LRIF1: variants seen among roughly 807,000 people sequenced by gnomAD.
LRIF1 encodes the protein ligand-dependent nuclear receptor-interacting factor 1.
In LRIF1, 32 loss-of-function variants were observed where a neutral mutation model predicts 52.7. The ratio of observed to expected loss-of-function variants is 0.61; its 90% CI spans 0.46 to 0.82. The LOEUF is 0.82. Ranked by LOEUF, LRIF1 falls within the 40% of genes least tolerant of loss-of-function variation. The probability of loss-of-function intolerance (pLI) is 0.00; values close to 1 mark genes in which losing one functional copy is unlikely to be tolerated. For missense variants in LRIF1, 887 were observed against 892.0 expected (o/e 0.99, Z 0.07); for synonymous variants, 323 against 317.4 (o/e 1.02, Z -0.19).
At chr1:110,934,729 C>T in the LRIF1 span, among the ~76,000 whole-genome samples, 2 of 152,198 alleles carry the variant, frequency 1.3e-5, no homozygotes, top group Non-Finnish European at 2.9e-5. Flanking sequence ...CCCTGACTTC[C>T]AGGTGGCACC....
At chr1:110,902,517 A>AAAAAAAAAAAG in the LRIF1 span, among the ~76,000 whole-genome samples, 3 of 104,682 alleles carry the variant, frequency 2.9e-5, no homozygotes, top group Non-Finnish European at 4.3e-5. Context: ...AAAAAAAAAA[A>AAAAAAAAAAAG]AAAGAAATAC....
At chr1:110,936,338 T>C in the LRIF1 span, 1 of 152,110 alleles carries the variant, frequency 6.6e-6, no homozygotes, top group Non-Finnish European at 1.5e-5. Flanking sequence ...ACTACTCTTA[T>C]CCTAAAAAGA....
chr1:110,953,065 T>C (rs1570943409), intron 1 of LRIF1: 1 of 176,108 alleles, frequency 5.7e-6, no homozygotes, highest in Admixed American at 6.2e-5. Context: ...AAGTAGACAT[T>C]TCTAAGGTTT....
rs375319628 is a variant in LRIF1 at position 110,951,848 on chromosome 1, G to A, written c.1036C>T (p.Arg346Ter). The change falls in exon 2 of 4, where the codon CGA becomes TGA. Residue 346 changes from arginine (R) to a stop codon, truncating the protein, a stop_gained. Coordinates refer to ENST00000369763, the MANE Select transcript of LRIF1 (RefSeq NM_018372.4). LOFTEE classifies it high-confidence loss of function. ...PLSTIDPSGT[R>*]SKNMPIKDNA... is the part of the protein sequence containing the mutation. ...TCTTTAATAGGCATATTTTTGGATC[G>A]CGTCCCACTAGGATCGATGGTACTC... is the stretch of plus-strand genomic sequence containing the variant. 1.4e-5 allele frequency: 22 copies of A among 1,613,024 alleles called. No homozygotes were observed. Among genetic ancestry groups the A allele is most frequent in the South Asian group, 2.2e-5 (2 of 91,080 alleles).
chr1:110,943,845 T>A, downstream of LRIF1: 1 of 152,232 alleles, frequency 6.6e-6, no homozygotes, highest in East Asian at 1.9e-4. Flanking sequence ...TCAACCATCA[T>A]CTTTGAGGCA....
At chr1:110,892,278 T>G in the LRIF1 span, 11 of 1,063,732 alleles carry the variant, frequency 1.0e-5, no homozygotes, top group Non-Finnish European at 1.6e-5. Flanking sequence ...CTCAAGGAAG[T>G]GAGAATATGA....
chr1:110,920,575 A>G, the LRIF1 span, among the ~76,000 whole-genome samples: 2 of 152,190 alleles, frequency 1.3e-5, no homozygotes, highest in Non-Finnish European at 1.5e-5. Context: ...TTTTTATGGC[A>G]GTGAGATTAT....
chr1:110,935,501 A>G, the LRIF1 span, among the ~76,000 whole-genome samples: 1 of 152,226 alleles, frequency 6.6e-6, no homozygotes, highest in Non-Finnish European at 1.5e-5. Flanking sequence ...GAAATAATTT[A>G]AAAGAATTAC....
chr1:110,886,869 A>ATTTTTTTTTT, the LRIF1 span, among the ~76,000 whole-genome samples: 1 of 82,798 alleles, frequency 1.2e-5, no homozygotes, highest in South Asian at 4.2e-4. Flanking sequence ...ATATATATAT[A>ATTTTTTTTTT]TTTTTTTTTT....
At chr1:110,889,276 G>A in the LRIF1 span, among the ~76,000 whole-genome samples, 2 of 152,018 alleles carry the variant, frequency 1.3e-5, no homozygotes, top group African/African-American at 4.8e-5. Context: ...TCAATAATTG[G>A]CCGGGTGTGG....
chr1:110,927,829 T>C, the LRIF1 span, among the ~76,000 whole-genome samples: 2 of 152,132 alleles, frequency 1.3e-5, no homozygotes, highest in Non-Finnish European at 1.5e-5. Flanking sequence ...GAGGTAGAAA[T>C]AGTTTTCTTA....
At position 110,951,959 on chromosome 1, in the gene LRIF1, A is replaced by C; in HGVS notation, c.925T>G (p.Ser309Ala). ...ATCTTTGAAGCCACATTATTTGAAG[A>C]CTTAACAGGAACAAGAGATGGCGTA... is the stretch of plus-strand genomic sequence containing the variant. ...PFTPSLVPVK[S>A]SNNVASKILK... The change falls in exon 2 of 4, where the codon TCT (serine) becomes GCT (alanine). Residue 309 changes from serine to alanine, a missense_variant. Coordinates refer to ENST00000369763, the MANE Select transcript of LRIF1 (RefSeq NM_018372.4). 6.2e-7 allele frequency: 1 copy of C among 1,614,056 alleles called. No individual in the cohort carries two copies. The highest frequency in any genetic ancestry group is 8.5e-7 in the Non-Finnish European group (1 of 1,179,992).
In LRIF1 at chr1:110,956,766, TGGTGAA is replaced by T. The variant is rs1658716499; in HGVS notation, c.69-3957_69-3952del. Among the ~76,000 whole-genome samples, 3 of 152,200 alleles carry T rather than the reference TGGTGAA, an allele frequency of 2.0e-5. No individual in the cohort carries two copies. The East Asian group carries it at 5.8e-4, about 29-fold the overall frequency. On this transcript the variant is annotated intron_variant, in intron 1 of 3. Coordinates refer to ENST00000369763, the MANE Select transcript of LRIF1 (RefSeq NM_018372.4). ...ACATGAGGGAAGATGGTGAGCTAGATGGTGAACTAAGCGCCAAGTTCAGTGACAGGA... is the reference window on the plus strand; with the variant it reads ...ACATGAGGGAAGATGGTGAGCTAGATCTAAGCGCCAAGTTCAGTGACAGGA...
At chr1:110,960,236 CA>C (rs1442789115) in intron 1 of LRIF1, among the ~76,000 whole-genome samples, 1 of 152,118 alleles carries the variant, frequency 6.6e-6, no homozygotes, top group African/African-American at 2.4e-5. Flanking sequence ...AGCATAACCC[CA>C]TTATAACAGG....
At chr1:110,922,256 T>C in the LRIF1 span, among the ~76,000 whole-genome samples, 1 of 152,234 alleles carries the variant, frequency 6.6e-6, no homozygotes, top group East Asian at 1.9e-4. Flanking sequence ...CCCTCATGAA[T>C]TGATTAATGC....
chr1:110,899,446 C>T, the LRIF1 span: 3 of 378,614 alleles, frequency 7.9e-6, no homozygotes, highest in Non-Finnish European at 1.5e-5. Context: ...ATCTGAGCAT[C>T]TTTTAGACAA....
At chr1:110,913,822 C>T in the LRIF1 span, among the ~76,000 whole-genome samples, 1 of 152,026 alleles carries the variant, frequency 6.6e-6, no homozygotes, top group African/African-American at 2.4e-5. Flanking sequence ...AATTGTTCTA[C>T]CAAAAAGACA....
chr1:110,903,279 A>T, the LRIF1 span, among the ~76,000 whole-genome samples: 1 of 152,330 alleles, frequency 6.6e-6, no homozygotes, highest in African/African-American at 2.4e-5. Context: ...TGACCTACTA[A>T]GACACCAGCT....
chr1:110,891,918 G>A, the LRIF1 span, among the ~76,000 whole-genome samples: 1 of 152,226 alleles, frequency 6.6e-6, no homozygotes, highest in South Asian at 2.1e-4. Context: ...TGGTACTTGT[G>A]TATATGAGAA....
Sources: allele counts gnomAD v4.1 joint callset (sites outside exome capture counted in the v4.1 genomes callset), GRCh38; gene constraint gnomAD v4.1.1; transcripts MANE v1.5; gene names NCBI Gene and HGNC (gene_info 2026-07-23, HGNC 2026-07-21).